Variants in PLCG2 observed in about 807,000 individuals in gnomAD.
PLCG2 encodes the protein phospholipase C gamma 2.
Under a neutral mutation model 175.6 loss-of-function variants are expected in PLCG2, and 69 were observed. That is an observed-to-expected ratio of 0.39 (90% CI 0.32 to 0.48). The LOEUF is 0.48. Among genes scored for constraint, PLCG2 ranks in the 20% least tolerant of loss-of-function variants. The pLI, the probability that PLCG2 is intolerant of heterozygous loss-of-function variation, is 0.91. For synonymous variants in PLCG2, 827 were observed against 624.0 expected (o/e 1.33, Z -4.85); for missense variants, 1,798 against 1,650.9 (o/e 1.09, Z -1.54).
intron 2 of PLCG2, among the ~76,000 whole-genome samples, chr16:81,836,745 C>T (rs1005908735): frequency 3.9e-5 from 6 of 152,282 alleles, no homozygotes; most frequent in South Asian, 4.1e-4. Context: ...GTCTCAAAAA[C>T]GAGTGCAAAC....
intron 1 of PLCG2, among the ~76,000 whole-genome samples, chr16:81,741,003 T>G (rs771259043): frequency 7.9e-5 from 12 of 152,332 alleles, no homozygotes; most frequent in Non-Finnish European, 1.6e-4. Flanking sequence ...TTCTAATCCA[T>G]GCACCCTCTG....
At chr16:81,818,449 A>C (rs1034628219) in intron 2 of PLCG2, among the ~76,000 whole-genome samples, 3 of 152,188 alleles carry the variant, frequency 2.0e-5, no homozygotes, top group African/African-American at 7.2e-5. Flanking sequence ...TGACTAGCAC[A>C]TACCAGGTAG....
intron 5 of PLCG2, among the ~76,000 whole-genome samples, chr16:81,865,261 A>G (rs1025986506): frequency 6.6e-6 from 1 of 152,156 alleles, no homozygotes; most frequent in Non-Finnish European, 1.5e-5. Flanking sequence ...GGCAGGTTGC[A>G]GAGAGGGGTG....
chr16:81,894,615 G>A (rs974152619), intron 12 of PLCG2, among the ~76,000 whole-genome samples: 8 of 152,240 alleles, frequency 5.3e-5, no homozygotes, highest in East Asian at 3.8e-4. Flanking sequence ...TCTCATGCCT[G>A]TAATCCCAGC....
Position 81,938,878 on chromosome 16 carries a change from C to G in PLCG2, c.3276C>G (p.Ala1092=). Residue 1092 remains alanine (A), a synonymous_variant, in exon 29 of 33, where the codon GCC becomes GCG. Transcript: ENST00000564138. ...TTGTAGAAGTGGAGATCTGTGGAGCCGAGTATGACAACAACAAGTTCAAGA... is the reference window on the plus strand; with the variant it reads ...TTGTAGAAGTGGAGATCTGTGGAGCGGAGTATGACAACAACAAGTTCAAGA... ...CPFVEVEICG[A]EYDNNKFKTT... is the part of the protein sequence containing the mutation. 6 of 1,612,932 alleles carry G rather than the reference C, an allele frequency of 3.7e-6. No individual in the cohort carries two copies. The highest frequency in any genetic ancestry group is 5.1e-6 in the Non-Finnish European group (6 of 1,179,298).
chr16:81,954,629 G>A (rs1293379708), intron 31 of PLCG2, among the ~76,000 whole-genome samples: 1 of 152,160 alleles, frequency 6.6e-6, no homozygotes, highest in East Asian at 1.9e-4. Flanking sequence ...TGAGGATGAT[G>A]GCTTCCAGCT....
chr16:81,765,042 C>T (rs893190483), intron 2 of PLCG2, among the ~76,000 whole-genome samples: 1 of 63,010 alleles, frequency 1.6e-5, no homozygotes, highest in Admixed American at 2.1e-4. Context: ...GAACCGTGAT[C>T]ACCCCATTGC....
intron 2 of PLCG2, among the ~76,000 whole-genome samples, chr16:81,804,160 T>A (rs1416339522): frequency 6.6e-6 from 1 of 152,216 alleles, no homozygotes; most frequent in Non-Finnish European, 1.5e-5. Flanking sequence ...CCATTTACTT[T>A]CCCACCAGCA....
chr16:81,943,745 A>AAAAC (rs570193142), intron 30 of PLCG2, among the ~76,000 whole-genome samples: 163 of 152,320 alleles, frequency 1.1e-3, no homozygotes, highest in Admixed American at 2.2e-3. Flanking sequence ...ATCAAGGCAA[A>AAAAC]AAACAAACTA....
intron 5 of PLCG2, among the ~76,000 whole-genome samples, chr16:81,865,970 C>T (rs1186814365): frequency 7.2e-6 from 1 of 138,130 alleles, no homozygotes; most frequent in African/African-American, 2.8e-5. Context: ...AGGATGGGCT[C>T]CACTGGGGCA....
chr16:81,805,488 G>T (rs1258743687), intron 2 of PLCG2, among the ~76,000 whole-genome samples: 4 of 130,290 alleles, frequency 3.1e-5, no homozygotes, highest in Non-Finnish European at 6.3e-5. Flanking sequence ...AACAGAGCGA[G>T]ACTCCATCTC....
chr16:81,757,425 G>A (rs1323407630), intron 2 of PLCG2, among the ~76,000 whole-genome samples: 9 of 152,050 alleles, frequency 5.9e-5, no homozygotes, highest in East Asian at 1.9e-4. Context: ...TTAGCCGGGC[G>A]CGGTGGCAGG....
chr16:81,827,979 C>A (rs1329757269), intron 2 of PLCG2, among the ~76,000 whole-genome samples: 1 of 150,272 alleles, frequency 6.7e-6, no homozygotes, highest in Admixed American at 6.7e-5. Context: ...AATCCCAGCT[C>A]TTTGAGAGGC....
At chr16:81,890,500 T>C (rs1014307896) in intron 10 of PLCG2, among the ~76,000 whole-genome samples, 1 of 152,240 alleles carries the variant, frequency 6.6e-6, no homozygotes, top group African/African-American at 2.4e-5. Context: ...CTTACTCTTC[T>C]CTACTGACCG....
At chr16:81,815,284 C>T (rs1464400768) in intron 2 of PLCG2, among the ~76,000 whole-genome samples, 1 of 152,134 alleles carries the variant, frequency 6.6e-6, no homozygotes, top group Non-Finnish European at 1.5e-5. Flanking sequence ...CAGGCTAGAG[C>T]ATGGGTCTCC....
intron 1 of PLCG2, among the ~76,000 whole-genome samples, chr16:81,746,554 G>A (rs911402547): frequency 1.3e-5 from 2 of 152,208 alleles, no homozygotes; most frequent in Non-Finnish European, 2.9e-5. Context: ...ACAACTTTTG[G>A]ATTTTGAATT....
chr16:81,915,380 A>T (rs1909798382), intron 19 of PLCG2, among the ~76,000 whole-genome samples: 1 of 152,164 alleles, frequency 6.6e-6, no homozygotes, highest in Admixed American at 6.5e-5. Flanking sequence ...TCCACAAAGG[A>T]AGTGTTGAGT....
intron 2 of PLCG2, chr16:81,767,878 TC>T (rs1910188231): frequency 6.6e-6 from 1 of 152,238 alleles, no homozygotes; most frequent in Non-Finnish European, 1.5e-5. Context: ...AATGCTGGTG[TC>T]TTTTTTGGGG....
At chr16:81,756,818 C>T (rs1448754582) in intron 2 of PLCG2, among the ~76,000 whole-genome samples, 3 of 152,178 alleles carry the variant, frequency 2.0e-5, no homozygotes, top group South Asian at 2.1e-4. Context: ...CTTCAGTGAG[C>T]TTGCTGCCTT....
Sources: allele counts gnomAD v4.1 joint callset (sites outside exome capture counted in the v4.1 genomes callset), GRCh38; gene constraint gnomAD v4.1.1; transcripts MANE v1.5; gene names NCBI Gene and HGNC (gene_info 2026-07-23, HGNC 2026-07-21).